The following CTNNA3 variants were observed in gnomAD, a reference collection of about 807,000 sequenced individuals.
The protein encoded by CTNNA3 is catenin alpha 3.
CTNNA3 carries 76 observed loss-of-function variants against 95.7 expected under a neutral mutation model. That is an observed-to-expected ratio of 0.79 (90% CI 0.66 to 0.96). CTNNA3 has a LOEUF of 0.96. CTNNA3 is among the 40% of genes least tolerant of loss of function. The probability of loss-of-function intolerance (pLI) is 0.00; values close to 1 mark genes in which losing one functional copy is unlikely to be tolerated. For synonymous variants in CTNNA3, 431 were observed against 374.4 expected (o/e 1.15, Z -1.74); for missense variants, 1,191 against 1,089.8 (o/e 1.09, Z -1.31).
chr10:67,000,684 T>C (rs1851628503), intron 7 of CTNNA3, among the ~76,000 whole-genome samples: 2 of 152,292 alleles, frequency 1.3e-5, no homozygotes, highest in Admixed American at 1.3e-4. Flanking sequence ...ATTAGATATA[T>C]GAATTCAATA....
intron 12 of CTNNA3, among the ~76,000 whole-genome samples, chr10:66,326,413 TG>T (rs2092255396): frequency 6.6e-6 from 1 of 152,032 alleles, no homozygotes; most frequent in Admixed American, 6.5e-5. Context: ...CCTCCATCTA[TG>T]GGATTGGTAG....
chr10:66,301,486 A>G (rs949151712), intron 12 of CTNNA3, among the ~76,000 whole-genome samples: 2 of 151,934 alleles, frequency 1.3e-5, no homozygotes, highest in African/African-American at 2.4e-5. Flanking sequence ...CTTTTAGTAT[A>G]TAAATAATTT....
intron 6 of CTNNA3, among the ~76,000 whole-genome samples, chr10:67,198,580 T>C (rs1863485319): frequency 6.6e-6 from 1 of 152,194 alleles, no homozygotes; most frequent in Non-Finnish European, 1.5e-5. Context: ...AAGGCAACAT[T>C]CATCTATTTC....
intron 1 of CTNNA3, among the ~76,000 whole-genome samples, chr10:67,687,655 T>C (rs1010390925): frequency 1.3e-5 from 2 of 152,204 alleles, no homozygotes; most frequent in African/African-American, 4.8e-5. Context: ...AGCTTTCTCC[T>C]GATATCTGTG....
At chr10:66,480,636 G>A (rs1216174038) in intron 11 of CTNNA3, among the ~76,000 whole-genome samples, 7 of 151,842 alleles carry the variant, frequency 4.6e-5, no homozygotes, top group South Asian at 2.1e-4. Context: ...ACAAAGTCTC[G>A]CTCTGTCACC....
Position 67,635,121 on chromosome 10 carries a change from G to GA in CTNNA3, c.99+12293dup, listed in dbSNP as rs554022580. 2.2e-3 allele frequency among the ~76,000 whole-genome samples: 333 copies of GA among 151,986 alleles called. 6 individuals carry two copies. The South Asian group carries it at 0.026, about 12-fold the overall frequency. On this transcript the variant is annotated intron_variant, in intron 2 of 17. Coordinates refer to ENST00000433211, the MANE Select transcript of CTNNA3 (RefSeq NM_013266.4). ...ATACACCCTCCCAAGACTGAACCAG[G>GA]AAAAAACTGAATGCCTGAATAGACC...
At chr10:66,289,738 C>T (rs1286310326) in intron 12 of CTNNA3, among the ~76,000 whole-genome samples, 2 of 151,982 alleles carry the variant, frequency 1.3e-5, no homozygotes, top group African/African-American at 2.4e-5. Context: ...GGTTTACAGA[C>T]ACTATTTTAA....
chr10:67,453,257 G>A (rs1847056334), intron 5 of CTNNA3, among the ~76,000 whole-genome samples: 1 of 152,134 alleles, frequency 6.6e-6, no homozygotes, highest in Non-Finnish European at 1.5e-5. Flanking sequence ...GATATACAAA[G>A]ACATTTTTGT....
intron 3 of CTNNA3, among the ~76,000 whole-genome samples, chr10:67,542,754 A>G (rs1054690782): frequency 6.6e-6 from 1 of 152,130 alleles, no homozygotes; most frequent in Non-Finnish European, 1.5e-5. Context: ...TCTAGGTAAA[A>G]GAAACATGTT....
intron 1 of CTNNA3, among the ~76,000 whole-genome samples, chr10:67,762,064 A>T (rs1259841040): frequency 6.6e-6 from 1 of 151,898 alleles, no homozygotes; most frequent in Non-Finnish European, 1.5e-5. Flanking sequence ...TTAAATGACA[A>T]TGCTAAAGAC....
chr10:67,029,184 T>C (rs10997485), intron 7 of CTNNA3, among the ~76,000 whole-genome samples: 54,646 of 152,142 alleles, frequency 0.36, 11,374 homozygotes, highest in East Asian at 0.51. Context: ...CATTACTCCA[T>C]AAGCTAAATA....
intron 8 of CTNNA3, among the ~76,000 whole-genome samples, chr10:66,767,062 G>A (rs2132788855): frequency 6.6e-6 from 1 of 152,096 alleles, no homozygotes; most frequent in East Asian, 1.9e-4. Context: ...ATGACAATTA[G>A]GCAATTACTC....
intron 3 of CTNNA3, among the ~76,000 whole-genome samples, chr10:67,596,215 T>C (rs1842928260): frequency 6.6e-6 from 1 of 152,204 alleles, no homozygotes; most frequent in Non-Finnish European, 1.5e-5. Context: ...GTAGTTGCTT[T>C]ATAGTGCATT....
At chr10:66,854,067 A>G (rs1287370317) in intron 7 of CTNNA3, among the ~76,000 whole-genome samples, 1 of 152,136 alleles carries the variant, frequency 6.6e-6, no homozygotes, top group Non-Finnish European at 1.5e-5. Flanking sequence ...GTAAATGACC[A>G]GGAACAGAGA....
chr10:66,144,750 A>T (rs1330476231), intron 13 of CTNNA3, among the ~76,000 whole-genome samples: 1 of 152,216 alleles, frequency 6.6e-6, no homozygotes, highest in Non-Finnish European at 1.5e-5. Flanking sequence ...GGCCTCCCAA[A>T]GTGCTGGGAT....
chr10:67,001,298 T>TAAAAAAAAAA (rs568002651), intron 7 of CTNNA3, among the ~76,000 whole-genome samples: 1 of 93,300 alleles, frequency 1.1e-5, no homozygotes, highest in Non-Finnish European at 2.2e-5. Context: ...AGACTCTGTC[T>TAAAAAAAAAA]AAAAAAAAAA....
rs1419639155 is a variant in CTNNA3 at position 67,175,163 on chromosome 10, A to G, written c.1047+5154T>C. On this transcript the variant is annotated intron_variant, in intron 7 of 17. Transcript: ENST00000433211. ...GGGAGGGAGGGAGGGAGGGAGGGAA[A>G]GAAGGAAAAACATAGGCTGAAAACT... 2.0e-5 allele frequency among the ~76,000 whole-genome samples: 3 copies of G among 151,136 alleles called. No individual in the cohort carries two copies. The East Asian group carries it at 5.8e-4, about 29-fold the overall frequency.
At chr10:66,067,479 A>T (rs1171413299) in intron 15 of CTNNA3, among the ~76,000 whole-genome samples, 1 of 152,224 alleles carries the variant, frequency 6.6e-6, no homozygotes, top group Non-Finnish European at 1.5e-5. Context: ...ATAAAAATAA[A>T]CAATTTATCC....
intron 1 of CTNNA3, among the ~76,000 whole-genome samples, chr10:67,745,274 G>A (rs1175743376): frequency 6.6e-6 from 1 of 151,954 alleles, no homozygotes. Flanking sequence ...ATCCAACAAC[G>A]ATAGACTGGA....
Sources: gnomAD v4.1 joint callset for allele counts (sites outside exome capture counted in the v4.1 genomes callset) on GRCh38, gnomAD v4.1.1 for gene constraint, MANE v1.5 for transcripts, NCBI Gene and HGNC (gene_info 2026-07-23, HGNC 2026-07-21) for gene names.